GRIN2A: variants seen among roughly 807,000 people sequenced by gnomAD.
The protein encoded by GRIN2A is glutamate receptor ionotropic, NMDA 2A.
GRIN2A carries 22 observed loss-of-function variants against 113.4 expected under a neutral mutation model. The ratio of observed to expected loss-of-function variants is 0.19; its 90% CI spans 0.14 to 0.28. The LOEUF (loss-of-function observed/expected upper bound fraction) is 0.28, where lower values mean the gene tolerates loss of function less well. GRIN2A is among the 10% of genes least tolerant of loss of function. The pLI is 1.00. For missense variants in GRIN2A, 1,502 were observed against 1,887.0 expected (o/e 0.80, Z 3.78); for synonymous variants, 827 against 738.4 (o/e 1.12, Z -1.94).
intron 2 of GRIN2A, among the ~76,000 whole-genome samples, chr16:9,989,886 A>C (rs2046067136): frequency 6.6e-6 from 1 of 152,156 alleles, no homozygotes; most frequent in Non-Finnish European, 1.5e-5. Flanking sequence ...AGAAATAACA[A>C]ATGTTGGCAA....
At chr16:9,807,287 A>G (rs1399975721) in intron 10 of GRIN2A, among the ~76,000 whole-genome samples, 1 of 8,324 alleles carries the variant, frequency 1.2e-4, no homozygotes, top group African/African-American at 5.7e-4. Flanking sequence ...GGAGGGGGAG[A>G]GGGAGGGAGA....
At chr16:10,041,347 T>A (rs565712220) in intron 2 of GRIN2A, among the ~76,000 whole-genome samples, 3 of 152,228 alleles carry the variant, frequency 2.0e-5, no homozygotes, top group African/African-American at 7.2e-5. Flanking sequence ...GTGGGCTTGA[T>A]AATTAAGGAG....
chr16:9,847,944 T>C (rs910018916), intron 5 of GRIN2A, among the ~76,000 whole-genome samples: 1 of 146,298 alleles, frequency 6.8e-6, no homozygotes, highest in Non-Finnish European at 1.5e-5. Context: ...TAAAAATATA[T>C]ATGTTATATA....
At chr16:9,831,970 G>T (rs1468557122) in intron 8 of GRIN2A, among the ~76,000 whole-genome samples, 3 of 152,162 alleles carry the variant, frequency 2.0e-5, no homozygotes, top group Non-Finnish European at 4.4e-5. Context: ...TGACTAGGCA[G>T]TGCAGTGGTG....
intron 2 of GRIN2A, among the ~76,000 whole-genome samples, chr16:10,113,461 T>A (rs754726072): frequency 6.6e-6 from 1 of 152,208 alleles, no homozygotes; most frequent in African/African-American, 2.4e-5. Flanking sequence ...CGCCTGCCCA[T>A]CATTCGTGAC....
intron 2 of GRIN2A, among the ~76,000 whole-genome samples, chr16:10,046,389 A>G (rs888152769): frequency 1.3e-5 from 2 of 151,576 alleles, no homozygotes; most frequent in Non-Finnish European, 2.9e-5. Flanking sequence ...TAGGGTCACC[A>G]TACCTTAAGA....
At chr16:9,881,208 T>C (rs1050685638) in intron 4 of GRIN2A, among the ~76,000 whole-genome samples, 12 of 152,264 alleles carry the variant, frequency 7.9e-5, no homozygotes, top group Admixed American at 3.3e-4. Context: ...TTTGCCTTGT[T>C]ATTCTCTCAT....
At chr16:9,793,301 GTTC>G (rs1286846782) in intron 11 of GRIN2A, among the ~76,000 whole-genome samples, 2 of 152,014 alleles carry the variant, frequency 1.3e-5, no homozygotes, top group Non-Finnish European at 2.9e-5. Context: ...AGGCATTCTT[GTTC>G]TTCTCAGTAT....
At chr16:9,785,951 A>G (rs1902206951) in intron 11 of GRIN2A, among the ~76,000 whole-genome samples, 1 of 152,168 alleles carries the variant, frequency 6.6e-6, no homozygotes, top group Non-Finnish European at 1.5e-5. Context: ...TGAATCGATG[A>G]CTAGAAGGGA....
chr16:10,166,575 C>T (rs1567344681), intron 2 of GRIN2A, among the ~76,000 whole-genome samples: 1 of 152,192 alleles, frequency 6.6e-6, no homozygotes, highest in African/African-American at 2.4e-5. Context: ...TCTGCATTCC[C>T]ATGGTCCCGT....
chr16:9,964,152 C>A (rs1325407415), intron 2 of GRIN2A, among the ~76,000 whole-genome samples: 2 of 152,184 alleles, frequency 1.3e-5, no homozygotes, highest in African/African-American at 4.8e-5. Flanking sequence ...CAACAGCATC[C>A]TTGAAGGCAT....
At chr16:9,833,325 G>T (rs2042529503) in intron 8 of GRIN2A, among the ~76,000 whole-genome samples, 1 of 152,082 alleles carries the variant, frequency 6.6e-6, no homozygotes, top group Admixed American at 6.6e-5. Context: ...TCACCAACAG[G>T]AAAATATAAC....
At chr16:9,974,286 A>G (rs2045733549) in intron 2 of GRIN2A, among the ~76,000 whole-genome samples, 1 of 152,188 alleles carries the variant, frequency 6.6e-6, no homozygotes, top group African/African-American at 2.4e-5. Flanking sequence ...CAGACCCGAA[A>G]TCAGGCCTGG....
At chr16:9,813,331 A>G (rs558781241) in intron 10 of GRIN2A, among the ~76,000 whole-genome samples, 1 of 152,324 alleles carries the variant, frequency 6.6e-6, no homozygotes, top group East Asian at 1.9e-4. Flanking sequence ...ATGCGTTGAC[A>G]ATACAAGAAT....
intron 2 of GRIN2A, among the ~76,000 whole-genome samples, chr16:10,103,393 G>C (rs1354204405): frequency 1.3e-5 from 2 of 152,128 alleles, no homozygotes; most frequent in Non-Finnish European, 2.9e-5. Flanking sequence ...GTCTCTGAAG[G>C]GCAGTGATCA....
Position 9,764,475 on chromosome 16 carries a change from C to T in GRIN2A, c.3069G>A (p.Gln1023=), listed in dbSNP as rs781603298. ...AGACTGGATTCTGGGATAGTGAATC[C>T]TGGCGTATGGAATCCACGGATTTCT... The part of the protein sequence containing the change: ...LWKKSVDSIR[Q]DSLSQNPVSQ... Residue 1023 remains glutamine (Q), a synonymous_variant, in exon 13 of 13, where the codon CAG becomes CAA. Coordinates refer to ENST00000330684, the MANE Select transcript of GRIN2A (RefSeq NM_001134407.3). The T allele has an allele frequency of 1.2e-6, 2 of 1,614,026 alleles. No homozygotes were observed. The highest frequency in any genetic ancestry group is 2.2e-5 in the East Asian group (1 of 44,882).
intron 3 of GRIN2A, among the ~76,000 whole-genome samples, chr16:9,908,771 G>C (rs896176556): frequency 1.3e-5 from 2 of 152,228 alleles, no homozygotes; most frequent in African/African-American, 2.4e-5. Flanking sequence ...GAGCAAGAGA[G>C]AGTGGCAAGA....
chr16:9,864,239 A>G (rs1469322079), intron 4 of GRIN2A, among the ~76,000 whole-genome samples: 1 of 152,150 alleles, frequency 6.6e-6, no homozygotes, highest in East Asian at 1.9e-4. Flanking sequence ...TACCTGAATG[A>G]TATTAAGAAG....
intron 2 of GRIN2A, among the ~76,000 whole-genome samples, chr16:9,941,668 T>C (rs2044880001): frequency 6.6e-6 from 1 of 151,950 alleles, no homozygotes; most frequent in Admixed American, 6.6e-5. Flanking sequence ...TGGCCTTGGA[T>C]GGGGGGGAAA....
Sources: allele counts gnomAD v4.1 joint callset (sites outside exome capture counted in the v4.1 genomes callset), GRCh38; gene constraint gnomAD v4.1.1; transcripts MANE v1.5; gene names NCBI Gene and HGNC (gene_info 2026-07-23, HGNC 2026-07-21).